Variants in HERC4 observed in about 807,000 individuals in gnomAD.
HERC4 encodes probable E3 ubiquitin-protein ligase HERC4.
In HERC4, 28 loss-of-function variants were observed where a neutral mutation model predicts 124.3. The observed-to-expected ratio is 0.23, with a 90% CI of 0.17 to 0.31. The LOEUF (loss-of-function observed/expected upper bound fraction) is 0.31. HERC4 is among the 10% of genes least tolerant of loss of function. The probability of loss-of-function intolerance (pLI) is 1.00; values close to 1 mark genes in which losing one functional copy is unlikely to be tolerated. For synonymous variants in HERC4, 407 were observed against 421.5 expected, an observed-to-expected ratio of 0.97 and a Z score of 0.42; for missense variants, 713 against 1,229.3, an observed-to-expected ratio of 0.58 and a Z score of 6.28.
chr10:67,932,291 C>T (rs2031906002), intron 23 of HERC4, among the ~76,000 whole-genome samples: 3 of 152,026 alleles, frequency 2.0e-5, no homozygotes. Flanking sequence ...TTGCTGTGCT[C>T]CCCAGGCTGC....
At chr10:67,962,660 GA>G (rs1339119627) in intron 16 of HERC4, among the ~76,000 whole-genome samples, 4 of 151,938 alleles carry the variant, frequency 2.6e-5, no homozygotes, top group Non-Finnish European at 4.4e-5. Flanking sequence ...AGAAAGGGAA[GA>G]AAAAATAGCA....
intron 11 of HERC4, 110 bp downstream of exon 11, chr10:67,992,089 G>T: frequency 5.2e-6 from 5 of 959,664 alleles, no homozygotes; most frequent in South Asian, 1.5e-5. Flanking sequence ...TAGAGACAGG[G>T]TTTTGCCATG....
At chr10:67,953,594 A>G (rs935731648) in intron 19 of HERC4, among the ~76,000 whole-genome samples, 6 of 152,324 alleles carry the variant, frequency 3.9e-5, no homozygotes, top group African/African-American at 1.2e-4. Flanking sequence ...AATGAAGACA[A>G]TAACTGCAGT....
rs554767828 is a variant in HERC4, at chr10:68,018,766, T to C, written c.909-4580A>G. On this transcript the variant is annotated intron_variant, in intron 8 of 24. Coordinates refer to ENST00000373700, the MANE Select transcript of HERC4 (RefSeq NM_015601.4). The stretch of plus-strand genomic sequence containing the variant: ...TATGCATGACCTCTATGATGAAAAT[T>C]TTAAAACATTTTATTATAAGACATT... 2.6e-5 allele frequency among the ~76,000 whole-genome samples: 4 copies of C among 152,154 alleles called. No homozygotes were observed. The East Asian group carries it at 7.7e-4, about 29-fold the overall frequency.
chr10:67,979,802 C>T (rs951999350), intron 15 of HERC4, among the ~76,000 whole-genome samples: 2 of 151,822 alleles, frequency 1.3e-5, no homozygotes, highest in Non-Finnish European at 2.9e-5. Flanking sequence ...CCGGGTGTGG[C>T]GGCGGGCACC....
rs2039575485 is a variant in HERC4 at position 68,038,178 on chromosome 10, G to C, written c.387-9C>G. 1 of 1,420,514 alleles carries C rather than the reference G, an allele frequency of 7.0e-7. No individual in the cohort carries two copies. Among genetic ancestry groups the C allele is most frequent in the African/African-American group, 1.5e-5 (1 of 67,434 alleles). 88.0% of individuals were successfully genotyped at this position (1,420,514 alleles called of 1,614,324 possible). A position where few individuals can be genotyped will look rare whatever the true frequency, so the allele number is the denominator to read the frequency against. ...ACAAACTTTTAATATTTCTAGAAAA[G>C]AAGAAGACAGATCAAGACCAGTTAA... is the stretch of plus-strand genomic sequence containing the variant. On this transcript the variant is annotated splice_polypyrimidine_tract_variant and intron_variant, in intron 4 of 24. Transcript: ENST00000373700.
At chr10:67,932,822 T>G in intron 22 of HERC4, 42 bp from the exon 23 acceptor site, 3 of 1,513,974 alleles carry the variant, frequency 2.0e-6, no homozygotes, top group Non-Finnish European at 2.7e-6. Flanking sequence ...ATAAAAATCA[T>G]GTATGAAGAA....
At chr10:67,987,507 T>C (rs1026459027) in intron 15 of HERC4, among the ~76,000 whole-genome samples, 1 of 152,098 alleles carries the variant, frequency 6.6e-6, no homozygotes, top group African/African-American at 2.4e-5. Flanking sequence ...CACAGAAAGG[T>C]AGAGACCCAT....
intron 15 of HERC4, among the ~76,000 whole-genome samples, chr10:67,985,325 C>G (rs1390240829): frequency 3.9e-5 from 6 of 152,164 alleles, no homozygotes; most frequent in African/African-American, 1.4e-4. Flanking sequence ...ATAGTAGGCA[C>G]TCTATTTGCA....
chr10:67,953,088 C>G (rs1462700804), intron 19 of HERC4, among the ~76,000 whole-genome samples: 2 of 152,042 alleles, frequency 1.3e-5, no homozygotes, highest in African/African-American at 4.8e-5. Flanking sequence ...ATAGCCCATA[C>G]ATTTTCAAAA....
intron 3 of HERC4, chr10:68,070,316 A>G: frequency 1.0e-6 from 1 of 956,434 alleles, no homozygotes; most frequent in Non-Finnish European, 1.2e-6. Context: ...TTATTTAAAA[A>G]ACATCTTAGG....
At chr10:67,945,721 T>A (rs2033269201) in intron 19 of HERC4, among the ~76,000 whole-genome samples, 1 of 152,202 alleles carries the variant, frequency 6.6e-6, no homozygotes, top group African/African-American at 2.4e-5. Flanking sequence ...ATAAAGTTTT[T>A]ATTAGTTTTC....
chr10:68,058,406 G>A (rs1589441638), intron 3 of HERC4, among the ~76,000 whole-genome samples: 1 of 152,128 alleles, frequency 6.6e-6, no homozygotes, highest in Non-Finnish European at 1.5e-5. Flanking sequence ...AGGTAATTAT[G>A]AAAGCAATAT....
chr10:68,049,590 CAA>C (rs766514516), intron 3 of HERC4, among the ~76,000 whole-genome samples: 3 of 42,620 alleles, frequency 7.0e-5, no homozygotes, highest in African/African-American at 1.2e-4. Flanking sequence ...GACACTGCCA[CAA>C]AAAAAAAAAA....
chr10:68,020,871 A>G (rs2038581575), intron 8 of HERC4, among the ~76,000 whole-genome samples: 1 of 152,024 alleles, frequency 6.6e-6, no homozygotes. Context: ...AAGAAAAATC[A>G]GCAAACGTAA....
chr10:68,016,549 C>T (rs980719726), intron 8 of HERC4, among the ~76,000 whole-genome samples: 1 of 152,064 alleles, frequency 6.6e-6, no homozygotes, highest in Non-Finnish European at 1.5e-5. Flanking sequence ...GATGGGGTTT[C>T]ACCATGTTGG....
rs192454080 is a variant in HERC4, at chr10:68,072,595, A to G, written c.226+288T>C. 2.2e-4 allele frequency among the ~76,000 whole-genome samples: 33 copies of G among 152,256 alleles called. No homozygotes were observed. In the East Asian group the frequency reaches 6.0e-3, roughly 28 times the overall value. On this transcript the variant is annotated intron_variant, in intron 3 of 24. Transcript: ENST00000373700. ...AGAATTTATTAAAGAGGACCTGCAC[A>G]CTACACACTCTGTACCAAAGATTTA...
In HERC4 at chr10:67,954,984, T is replaced by A. The variant is rs144298634; in HGVS notation, c.2172A>T (p.Ile724=). The A allele has an allele frequency of 6.2e-7, 1 of 1,603,444 alleles. No individual in the cohort carries two copies. Among genetic ancestry groups the A allele is most frequent in the Non-Finnish European group, 8.5e-7 (1 of 1,176,398 alleles). Residue 724 remains isoleucine, a synonymous_variant, in exon 18 of 25, where the codon ATA becomes ATT. Transcript: ENST00000373700. ...AMEVLRKTKN[I]DYKKPLKVIF... ...TTACCTTGAGTGGCTTCTTGTAATC[T>A]ATGTTCTTTGTTTTCCTAAGGACTT...
intron 19 of HERC4, among the ~76,000 whole-genome samples, chr10:67,947,082 A>G (rs187719886): frequency 7.2e-5 from 11 of 152,348 alleles, no homozygotes; most frequent in Non-Finnish European, 1.0e-4. Flanking sequence ...CAGAAAATCA[A>G]TGAAGAAACA....
Sources: allele counts gnomAD v4.1 joint callset (sites outside exome capture counted in the v4.1 genomes callset), GRCh38; gene constraint gnomAD v4.1.1; transcripts MANE v1.5; gene names NCBI Gene and HGNC (gene_info 2026-07-23, HGNC 2026-07-21).